Variants in DLGAP1 observed in about 807,000 individuals in gnomAD.
DLGAP1 encodes the protein disks large-associated protein 1.
In DLGAP1, 11 loss-of-function variants were observed where a neutral mutation model predicts 90.8. That is an observed-to-expected ratio of 0.12 (90% CI 0.08 to 0.20). The LOEUF (loss-of-function observed/expected upper bound fraction) is 0.20, where lower values mean the gene tolerates loss of function less well. DLGAP1 is among the 10% of genes least tolerant of loss of function. The pLI, the probability that DLGAP1 is intolerant of heterozygous loss-of-function variation, is 1.00. For synonymous variants in DLGAP1, 558 were observed against 540.7 expected (o/e 1.03, Z -0.44); for missense variants, 1,050 against 1,333.8 (o/e 0.79, Z 3.31).
chr18:4,360,079 G>A (rs1418535507), intron 1 of DLGAP1, among the ~76,000 whole-genome samples: 1 of 152,110 alleles, frequency 6.6e-6, no homozygotes, highest in Non-Finnish European at 1.5e-5. Flanking sequence ...TAGTAGAGAG[G>A]TCTGGAAAAA....
chr18:3,729,119 G>A lies in DLGAP1; in HGVS notation c.1591+16C>T. On this transcript the variant is annotated intron_variant, in intron 7 of 12. Transcript: ENST00000315677. The surrounding 1 kb of genome is among the most constrained non-coding windows in gnomAD (Gnocchi z 6.2). ...CCAGCACAGGGGCCAGGCTGGCTGA[G>A]GGCCCGCGCACTCACCCGTGCTGCT... is the stretch of plus-strand genomic sequence containing the variant. The A allele has an allele frequency of 1.3e-6, 2 of 1,589,774 alleles. No homozygotes were observed. The highest frequency in any genetic ancestry group is 1.7e-6 in the Non-Finnish European group (2 of 1,165,922).
chr18:3,502,358 C>CATT, intron 12 of DLGAP1, 135 bp downstream of exon 12: 1 of 1,448,712 alleles, frequency 6.9e-7, no homozygotes. Context: ...TAAACATTGT[C>CATT]ATTACAATGA....
chr18:4,089,966 A>AC (rs1414536127), intron 2 of DLGAP1, among the ~76,000 whole-genome samples: 4 of 152,098 alleles, frequency 2.6e-5, no homozygotes, highest in Non-Finnish European at 5.9e-5. Context: ...AATGGCGTGA[A>AC]CCCGGGAGGC....
chr18:3,958,230 A>G (rs2073121310), intron 3 of DLGAP1, among the ~76,000 whole-genome samples: 1 of 152,026 alleles, frequency 6.6e-6, no homozygotes, highest in South Asian at 2.1e-4. Flanking sequence ...TTTTAAAAAC[A>G]GCAACTATAA....
intron 4 of DLGAP1, chr18:3,874,089 A>G: frequency 3.2e-6 from 5 of 1,545,206 alleles, no homozygotes; most frequent in Non-Finnish European, 4.4e-6. Context: ...CCCTACCACA[A>G]AAACCATCCA....
intron 4 of DLGAP1, chr18:3,874,652 A>G: frequency 6.5e-7 from 1 of 1,535,600 alleles, no homozygotes; most frequent in East Asian, 2.4e-5. Flanking sequence ...CAAATGTATA[A>G]GAGCCAACCA....
intron 1 of DLGAP1, among the ~76,000 whole-genome samples, chr18:4,158,893 G>T (rs1329276846): frequency 6.6e-6 from 1 of 152,092 alleles, no homozygotes; most frequent in Non-Finnish European, 1.5e-5. Context: ...AAACTCATCA[G>T]ATTGCATATA....
In DLGAP1 at chr18:3,944,501, T is replaced by TAA. The variant is rs111488734; in HGVS notation, c.-73+60613_-73+60614dup. Among the ~76,000 whole-genome samples, 4 of 146,796 alleles carry TAA rather than the reference T, an allele frequency of 2.7e-5. No individual in the cohort carries two copies. In the South Asian group the frequency reaches 6.4e-4, roughly 23 times the overall value. ...CCTGGGCTATAGACAGAGACTCTGT[T>TAA]AAAAAAAAAAAGTGCAAGGTGACTG... On this transcript the variant is annotated intron_variant, in intron 3 of 12. Transcript: ENST00000315677.
chr18:4,030,694 G>A (rs1439096804), intron 2 of DLGAP1, among the ~76,000 whole-genome samples: 1 of 152,226 alleles, frequency 6.6e-6, no homozygotes, highest in Non-Finnish European at 1.5e-5. Context: ...GCTGAGGCGG[G>A]CAGACTGCTT....
intron 2 of DLGAP1, among the ~76,000 whole-genome samples, chr18:4,124,242 A>G (rs913689633): frequency 3.3e-5 from 5 of 152,160 alleles, no homozygotes; most frequent in African/African-American, 1.2e-4. Flanking sequence ...TGTTATGTCA[A>G]TTTCACTCTC....
At chr18:4,422,976 A>G (rs1304688770) in intron 1 of DLGAP1, among the ~76,000 whole-genome samples, 2 of 152,162 alleles carry the variant, frequency 1.3e-5, no homozygotes, top group Non-Finnish European at 2.9e-5. Context: ...ACCTTAACAT[A>G]ATGATTAGCA....
chr18:4,355,477 G>A (rs1261598046), intron 1 of DLGAP1, among the ~76,000 whole-genome samples: 1 of 152,186 alleles, frequency 6.6e-6, no homozygotes, highest in Non-Finnish European at 1.5e-5. Context: ...TAAAGGAATA[G>A]AATAAGGGTG....
chr18:4,310,620 T>C, intron 1 of DLGAP1, among the ~76,000 whole-genome samples: 1 of 152,152 alleles, frequency 6.6e-6, no homozygotes, highest in East Asian at 1.9e-4. Context: ...ATTTTCTGAC[T>C]CCAGGCTGCG....
chr18:4,305,118 C>T lies in DLGAP1; in HGVS notation c.-267+149888G>A, dbSNP rs151292846. 2.0e-4 allele frequency among the ~76,000 whole-genome samples: 30 copies of T among 152,060 alleles called. No homozygotes were observed. The East Asian group carries it at 4.1e-3, about 21-fold the overall frequency. ...CATGTGCCAGGACCTGTGGTGAGGACGCACAAAAAGGAACAGACCCTGAGT... is the reference window on the plus strand; with the variant it reads ...CATGTGCCAGGACCTGTGGTGAGGATGCACAAAAAGGAACAGACCCTGAGT... On this transcript the variant is annotated intron_variant, in intron 1 of 12. Transcript: ENST00000315677.
At chr18:3,720,169 A>G (rs1472121621) in intron 7 of DLGAP1, among the ~76,000 whole-genome samples, 1 of 152,202 alleles carries the variant, frequency 6.6e-6, no homozygotes, top group Non-Finnish European at 1.5e-5. Flanking sequence ...ACAGTTTGTC[A>G]TATATTAGAG....
intron 1 of DLGAP1, among the ~76,000 whole-genome samples, chr18:4,343,089 C>T (rs558308134): frequency 2.6e-5 from 4 of 152,098 alleles, no homozygotes; most frequent in East Asian, 3.9e-4. Context: ...AGGCGGATCA[C>T]GAGGTCAGGA....
At chr18:4,161,354 T>C (rs2076841753) in intron 1 of DLGAP1, among the ~76,000 whole-genome samples, 1 of 152,204 alleles carries the variant, frequency 6.6e-6, no homozygotes. Context: ...TTTGGTTTTA[T>C]GTTCCTGCAT....
At chr18:4,059,921 G>A (rs754947819) in intron 2 of DLGAP1, among the ~76,000 whole-genome samples, 18 of 152,080 alleles carry the variant, frequency 1.2e-4, no homozygotes, top group Non-Finnish European at 1.9e-4. Flanking sequence ...GAAGTTGTCC[G>A]GCCCCCTCCA....
chr18:3,931,986 A>G (rs1056734261), intron 3 of DLGAP1, among the ~76,000 whole-genome samples: 1 of 151,734 alleles, frequency 6.6e-6, no homozygotes, highest in Non-Finnish European at 1.5e-5. Flanking sequence ...TTGGTTTCTC[A>G]CTCTCTTGTT....
Sources: gnomAD v4.1 joint callset for allele counts (sites outside exome capture counted in the v4.1 genomes callset) on GRCh38, gnomAD v4.1.1 for gene constraint, Gnocchi (gnomAD v3.1) non-coding constraint, MANE v1.5 for transcripts, NCBI Gene and HGNC (gene_info 2026-07-23, HGNC 2026-07-21) for gene names.